The following SEMA3E variants were observed in gnomAD, a reference collection of about 807,000 sequenced individuals.
SEMA3E encodes semaphorin 3E.
Under a neutral mutation model 93.6 loss-of-function variants are expected in SEMA3E, and 49 were observed. The observed-to-expected ratio is 0.52, with a 90% CI of 0.42 to 0.66. The LOEUF is 0.66. Ranked by LOEUF, SEMA3E falls within the 30% of genes least tolerant of loss-of-function variation. SEMA3E has a pLI of 0.00. For synonymous variants in SEMA3E, 363 were observed against 330.7 expected (o/e 1.10, Z -1.06); for missense variants, 906 against 964.8 (o/e 0.94, Z 0.81).
At chr7:83,451,760 A>G (rs1789363607) in intron 4 of SEMA3E, among the ~76,000 whole-genome samples, 1 of 152,218 alleles carries the variant, frequency 6.6e-6, no homozygotes, top group Non-Finnish European at 1.5e-5. Context: ...ACAATTTACT[A>G]TGTGAAACCA....
At chr7:83,528,249 AAAC>A (rs1791205318) in intron 1 of SEMA3E, among the ~76,000 whole-genome samples, 1 of 152,144 alleles carries the variant, frequency 6.6e-6, no homozygotes, top group African/African-American at 2.4e-5. Flanking sequence ...TGGGAAACTC[AAAC>A]AAAAATAAAT....
In SEMA3E at chr7:83,469,882, C is replaced by T. The variant is rs181133255; in HGVS notation, c.277-580G>A. Among the ~76,000 whole-genome samples the T allele has an allele frequency of 8.0e-4, 121 of 151,438 alleles. 2 individuals carry two copies. In the East Asian group the frequency reaches 0.021, roughly 27 times the overall value. On this transcript the variant is annotated intron_variant, in intron 2 of 16. Coordinates refer to ENST00000643230, the MANE Select transcript of SEMA3E (RefSeq NM_012431.3). The stretch of plus-strand genomic sequence containing the variant: ...TGTGATCTCGGCTCATTGCAGCCTC[C>T]GCCTCCTGGGTTCAAGCAATTCTCC...
chr7:83,371,089 T>A (rs2116896692), intron 16 of SEMA3E, among the ~76,000 whole-genome samples: 1 of 152,326 alleles, frequency 6.6e-6, no homozygotes, highest in East Asian at 1.9e-4. Context: ...ATTTTTTAAA[T>A]TATTGTGTTT....
intron 1 of SEMA3E, among the ~76,000 whole-genome samples, chr7:83,519,642 C>T (rs1218165570): frequency 2.6e-5 from 4 of 151,980 alleles, no homozygotes; most frequent in Admixed American, 1.3e-4. Context: ...ATCATAGCTC[C>T]GGGATGTATC....
intron 1 of SEMA3E, among the ~76,000 whole-genome samples, chr7:83,595,870 T>A (rs1004966780): frequency 3.3e-5 from 5 of 152,094 alleles, no homozygotes; most frequent in African/African-American, 1.2e-4. Flanking sequence ...TTTTTTTCTT[T>A]GTAATTAATA....
At chr7:83,383,240 A>C (rs1299432227) in intron 16 of SEMA3E, among the ~76,000 whole-genome samples, 1 of 37,158 alleles carries the variant, frequency 2.7e-5, no homozygotes, top group African/African-American at 5.6e-5. Flanking sequence ...TTTCTTATCA[A>C]AATAAAGATT....
At position 83,421,304 on chromosome 7, in the gene SEMA3E, A is replaced by G. The variant is rs1421818424; in HGVS notation, c.457-2821T>C. 1.4e-5 allele frequency among the ~76,000 whole-genome samples: 2 copies of G among 141,912 alleles called. 1 individual carries two copies. Among genetic ancestry groups the G allele is most frequent in the Non-Finnish European group, 3.2e-5 (2 of 62,546 alleles). The allele number at this position is 141,912 out of a possible 152,430, so 93.1% of individuals were successfully genotyped here. Reference sequence around the variant, plus strand: ...ATGCCATATTATGTACAATATTTCAATTTTAATATAAGGCTTCACACAGAT... The same window carrying G: ...ATGCCATATTATGTACAATATTTCAGTTTTAATATAAGGCTTCACACAGAT... On this transcript the variant is annotated intron_variant, in intron 4 of 16. Transcript: ENST00000643230.
At chr7:83,502,068 T>G (rs1025849492) in intron 1 of SEMA3E, among the ~76,000 whole-genome samples, 1 of 152,118 alleles carries the variant, frequency 6.6e-6, no homozygotes, top group African/African-American at 2.4e-5. Flanking sequence ...ACAAACCAAC[T>G]CCTTTCCCAG....
rs768194598 is a variant in SEMA3E, at chr7:83,602,398, A to C, written c.115+46030T>G. 2.9e-4 allele frequency among the ~76,000 whole-genome samples: 44 copies of C among 152,160 alleles called. 1 individual carries two copies. In the Middle Eastern group the frequency reaches 0.01, roughly 36 times the overall value. The stretch of plus-strand genomic sequence containing the variant: ...CTCTACCTGAAATTTTCACATAAGC[A>C]TGCCTATCTCCACGGCCCTCCCCTA... On this transcript the variant is annotated intron_variant, in intron 1 of 16. Transcript: ENST00000643230.
At chr7:83,397,993 T>G (rs1447903578) in intron 11 of SEMA3E, among the ~76,000 whole-genome samples, 1 of 152,186 alleles carries the variant, frequency 6.6e-6, no homozygotes, top group Non-Finnish European at 1.5e-5. Context: ...TCGCAATTAG[T>G]GATTTTTTAA....
chr7:83,622,359 C>T (rs911623135), intron 1 of SEMA3E, among the ~76,000 whole-genome samples: 6 of 151,984 alleles, frequency 3.9e-5, no homozygotes, highest in African/African-American at 1.4e-4. Context: ...TGGAGAAAAA[C>T]AAATGCTTAT....
intron 1 of SEMA3E, among the ~76,000 whole-genome samples, chr7:83,547,361 T>C (rs1791674793): frequency 1.3e-5 from 2 of 152,106 alleles, no homozygotes; most frequent in South Asian, 4.1e-4. Flanking sequence ...GTCAGTAGAA[T>C]CATTGCTCTA....
intron 1 of SEMA3E, among the ~76,000 whole-genome samples, chr7:83,609,040 A>G (rs111861639): frequency 7.1e-4 from 108 of 152,230 alleles, no homozygotes; most frequent in Middle Eastern, 3.4e-3. Flanking sequence ...CTAAGTATTG[A>G]GAAAGATAAT....
chr7:83,445,239 T>C (rs376747149), intron 4 of SEMA3E, among the ~76,000 whole-genome samples: 1 of 152,172 alleles, frequency 6.6e-6, no homozygotes, highest in East Asian at 1.9e-4. Flanking sequence ...TTTTAGAAAA[T>C]GCTGGAGTCA....
chr7:83,584,817 T>C (rs142182576), intron 1 of SEMA3E, among the ~76,000 whole-genome samples: 104 of 152,236 alleles, frequency 6.8e-4, no homozygotes, highest in Middle Eastern at 3.4e-3. Context: ...TCAAAGCCCT[T>C]TCACTGGTCC....
At chr7:83,462,089 C>G (rs1443757217) in intron 4 of SEMA3E, 1 of 152,300 alleles carries the variant, frequency 6.6e-6, no homozygotes, top group Non-Finnish European at 1.5e-5. Context: ...TGGCCCAAGG[C>G]TCTCTGACTC....
chr7:83,514,109 T>A (rs1011958), intron 1 of SEMA3E, among the ~76,000 whole-genome samples: 27,742 of 152,052 alleles, frequency 0.18, 2,774 homozygotes, highest in Middle Eastern at 0.36. Context: ...CTACACTCCC[T>A]TCAGCACCAT....
intron 1 of SEMA3E, among the ~76,000 whole-genome samples, chr7:83,638,849 C>T (rs568646045): frequency 2.6e-5 from 4 of 152,000 alleles, no homozygotes; most frequent in Admixed American, 6.6e-5. Context: ...CGGTGGCTCA[C>T]GCCTGTAATC....
At chr7:83,406,749 G>A (rs1294676994) in intron 7 of SEMA3E, among the ~76,000 whole-genome samples, 4 of 151,884 alleles carry the variant, frequency 2.6e-5, no homozygotes, top group African/African-American at 9.7e-5. Flanking sequence ...TTCAAACATA[G>A]CTATGTATAT....
Sources: allele counts gnomAD v4.1 joint callset (sites outside exome capture counted in the v4.1 genomes callset), GRCh38; gene constraint gnomAD v4.1.1; transcripts MANE v1.5; gene names NCBI Gene and HGNC (gene_info 2026-07-23, HGNC 2026-07-21).